AKAP19: variants seen among roughly 807,000 people sequenced by gnomAD.
AKAP19 encodes the protein small A-kinase anchoring protein.
chr2:190,172,851 G>A, the AKAP19 span, among the ~76,000 whole-genome samples: 46 of 152,120 alleles, frequency 3.0e-4, no homozygotes, highest in South Asian at 3.9e-3. Flanking sequence ...AGTGGCTCAC[G>A]CCTGGAATCC....
the AKAP19 span, among the ~76,000 whole-genome samples, chr2:189,978,986 A>G: frequency 1.3e-5 from 2 of 152,268 alleles, no homozygotes; most frequent in Non-Finnish European, 1.5e-5. Flanking sequence ...AATCAATATC[A>G]TTAAAATGAC....
the AKAP19 span, among the ~76,000 whole-genome samples, chr2:190,091,948 T>TA: frequency 1.3e-5 from 2 of 152,160 alleles, no homozygotes; most frequent in African/African-American, 2.4e-5. Flanking sequence ...ATCTACTCAG[T>TA]AAATAAACAA....
chr2:190,043,763 A>G, the AKAP19 span, among the ~76,000 whole-genome samples: 4 of 151,914 alleles, frequency 2.6e-5, no homozygotes, highest in Admixed American at 6.5e-5. Context: ...GATGTACAAC[A>G]CTCTGTCCAT....
the AKAP19 span, among the ~76,000 whole-genome samples, chr2:189,975,854 G>A: frequency 6.6e-6 from 1 of 152,048 alleles, no homozygotes. Context: ...AAGGACTTCT[G>A]TACACTGGTT....
At chr2:190,102,224 C>CTAAT in the AKAP19 span, among the ~76,000 whole-genome samples, 1 of 151,978 alleles carries the variant, frequency 6.6e-6, no homozygotes, top group Non-Finnish European at 1.5e-5. Flanking sequence ...TAAACACTTA[C>CTAAT]CTCAAAAAAT....
At chr2:189,932,279 G>A in the AKAP19 span, among the ~76,000 whole-genome samples, 14 of 151,998 alleles carry the variant, frequency 9.2e-5, no homozygotes, top group African/African-American at 1.4e-4. Flanking sequence ...GTGGTGGCAC[G>A]CACCTGTAGT....
At chr2:189,935,713 A>C in the AKAP19 span, among the ~76,000 whole-genome samples, 1 of 152,128 alleles carries the variant, frequency 6.6e-6, no homozygotes, top group South Asian at 2.1e-4. Context: ...TGATTTTTGC[A>C]TGAAGAGAAA....
At chr2:190,158,824 G>A in the AKAP19 span, among the ~76,000 whole-genome samples, 1 of 152,200 alleles carries the variant, frequency 6.6e-6, no homozygotes, top group Admixed American at 6.5e-5. Context: ...AGAAGCAGGG[G>A]AAACATCCCT....
chr2:190,076,565 TA>T, the AKAP19 span, among the ~76,000 whole-genome samples: 1 of 152,110 alleles, frequency 6.6e-6, no homozygotes, highest in African/African-American at 2.4e-5. Context: ...TATGGAATTC[TA>T]TATTGCCAAC....
the AKAP19 span, among the ~76,000 whole-genome samples, chr2:190,197,279 C>T: frequency 6.6e-6 from 1 of 152,158 alleles, no homozygotes; most frequent in Admixed American, 6.5e-5. This position sits in a 1 kb window ranked among gnomAD's most constrained non-coding sequence, Gnocchi z 4.0. Flanking sequence ...CCTAAGGTGT[C>T]GCATTTCTTG....
chr2:190,132,060 T>A, the AKAP19 span, among the ~76,000 whole-genome samples: 1 of 151,964 alleles, frequency 6.6e-6, no homozygotes, highest in Non-Finnish European at 1.5e-5. Flanking sequence ...AGAAAACCAA[T>A]TTAAAATAGC....
At chr2:190,063,859 G>C in the AKAP19 span, among the ~76,000 whole-genome samples, 4 of 151,956 alleles carry the variant, frequency 2.6e-5, no homozygotes, top group African/African-American at 4.8e-5. Flanking sequence ...CTTAGCTTTG[G>C]GAGCCACAAG....
chr2:189,941,684 A>G, the AKAP19 span, among the ~76,000 whole-genome samples: 1 of 152,332 alleles, frequency 6.6e-6, no homozygotes, highest in East Asian at 1.9e-4. Flanking sequence ...CCCTAAAAAT[A>G]AAAAGCAATG....
the AKAP19 span, among the ~76,000 whole-genome samples, chr2:189,939,125 C>A: frequency 1.3e-5 from 2 of 152,184 alleles, no homozygotes; most frequent in Admixed American, 6.5e-5. Flanking sequence ...AGAGACAAAG[C>A]AGGGAGGTGG....
chr2:190,074,820 A>G, the AKAP19 span, among the ~76,000 whole-genome samples: 1 of 152,206 alleles, frequency 6.6e-6, no homozygotes, highest in Non-Finnish European at 1.5e-5. Flanking sequence ...ACTAAACCGT[A>G]AGCTCCATGA....
chr2:190,029,426 T>C, the AKAP19 span, among the ~76,000 whole-genome samples: 1 of 152,158 alleles, frequency 6.6e-6, no homozygotes, highest in Admixed American at 6.5e-5. Context: ...AGAAATCTAT[T>C]AAACAAGCTG....
At chr2:190,012,909 A>G in the AKAP19 span, among the ~76,000 whole-genome samples, 1 of 152,172 alleles carries the variant, frequency 6.6e-6, no homozygotes, top group Non-Finnish European at 1.5e-5. Context: ...GATGTGTTAC[A>G]TTTGTAGATT....
the AKAP19 span, among the ~76,000 whole-genome samples, chr2:189,998,682 CA>C: frequency 9.0e-3 from 1,369 of 151,330 alleles, 23 homozygotes; most frequent in African/African-American, 0.032. Context: ...TAATGTTTTC[CA>C]AAAACCAATT....
the AKAP19 span, among the ~76,000 whole-genome samples, chr2:190,138,708 T>G: frequency 9.2e-5 from 14 of 152,320 alleles, no homozygotes; most frequent in African/African-American, 3.4e-4. Context: ...AGGAGCTTAC[T>G]TCATTTTCAG....
Sources: gnomAD v4.1 joint callset for allele counts (sites outside exome capture counted in the v4.1 genomes callset) on GRCh38, gnomAD v4.1.1 for gene constraint, Gnocchi (gnomAD v3.1) non-coding constraint, MANE v1.5 for transcripts, NCBI Gene and HGNC (gene_info 2026-07-23, HGNC 2026-07-21) for gene names.